PTPN14: variants seen among roughly 807,000 people sequenced by gnomAD.
PTPN14 encodes tyrosine-protein phosphatase non-receptor type 14.
A neutral mutation model predicts 126.8 loss-of-function variants in PTPN14; 53 were observed. That is an observed-to-expected ratio of 0.42 (90% CI 0.34 to 0.53). The LOEUF (loss-of-function observed/expected upper bound fraction) is 0.53, where lower values mean the gene tolerates loss of function less well. Ranked by LOEUF, PTPN14 falls within the 20% of genes least tolerant of loss-of-function variation. The pLI is 0.08. For synonymous variants in PTPN14, 630 were observed against 599.3 expected (o/e 1.05, Z -0.75); for missense variants, 1,257 against 1,552.9 (o/e 0.81, Z 3.20).
At chr1:214,419,846 A>G (rs1471382784) in intron 3 of PTPN14, among the ~76,000 whole-genome samples, 2 of 152,182 alleles carry the variant, frequency 1.3e-5, no homozygotes. Context: ...AAATCCAGAT[A>G]AAGGACAGGG....
Position 214,443,664 on chromosome 1 carries a change from G to A in PTPN14, c.344+8141C>T, listed in dbSNP as rs192136567. 1.6e-4 allele frequency among the ~76,000 whole-genome samples: 25 copies of A among 152,208 alleles called. No homozygotes were observed. The East Asian group carries it at 1.7e-3, about 11-fold the overall frequency. ...GGTTACTTAATTTGCAGAGTCTAGC[G>A]CAAAGTGAAAATGCAGAATCCACTG... On this transcript the variant is annotated intron_variant, in intron 3 of 18. Coordinates refer to ENST00000366956, the MANE Select transcript of PTPN14 (RefSeq NM_005401.5).
At chr1:214,446,437 C>T (rs566938367) in intron 3 of PTPN14, among the ~76,000 whole-genome samples, 1 of 152,246 alleles carries the variant, frequency 6.6e-6, no homozygotes, top group African/African-American at 2.4e-5. Flanking sequence ...CCCTCAAAAG[C>T]CATATCTAGC....
intron 7 of PTPN14, 101 bp from the exon 8 acceptor site, chr1:214,398,102 A>G (rs1658928738): frequency 1.1e-6 from 1 of 888,932 alleles, no homozygotes; most frequent in Non-Finnish European, 1.8e-6. Context: ...CCATCCACAG[A>G]TGAATGGATA....
intron 1 of PTPN14, among the ~76,000 whole-genome samples, chr1:214,485,130 T>G (rs75742757): frequency 0.027 from 4,189 of 152,328 alleles, 76 homozygotes; most frequent in Middle Eastern, 0.088. Context: ...CTAATTATCC[T>G]GGAAGGACAG....
At chr1:214,477,615 G>A (rs1660895477) in intron 1 of PTPN14, among the ~76,000 whole-genome samples, 1 of 152,158 alleles carries the variant, frequency 6.6e-6, no homozygotes, top group African/African-American at 2.4e-5. Flanking sequence ...CTCAAAACAA[G>A]ATTTGTTCAG....
Position 214,351,953 on chromosome 1 carries a change from C to CAAA in PTPN14, c.*5968_*5969insTTT, listed in dbSNP as rs944832034. ...CTCTCCCTCTTCCCATTTATAGAAA[C>CAAA]TTTTGAGCAAGTTTATGGCACTTCT... is the stretch of plus-strand genomic sequence containing the variant. On this transcript the variant is annotated 3_prime_UTR_variant, in exon 19 of 19. Coordinates refer to ENST00000366956, the MANE Select transcript of PTPN14 (RefSeq NM_005401.5). 1 of 152,154 alleles carries CAAA rather than the reference C, an allele frequency of 6.6e-6. No homozygotes were observed. The highest frequency in any genetic ancestry group is 2.4e-5 in the African/African-American group (1 of 41,428). The allele number at this position is 152,154 out of a possible 1,614,324, so 9.4% of individuals were successfully genotyped here. A position where few individuals can be genotyped will look rare whatever the true frequency, so the allele number is the denominator to read the frequency against.
rs1225025986 is a variant in PTPN14, at chr1:214,356,094, G to A, written c.*1828C>T. On this transcript the variant is annotated 3_prime_UTR_variant, in exon 19 of 19. Coordinates refer to ENST00000366956, the MANE Select transcript of PTPN14 (RefSeq NM_005401.5). Reference sequence around the variant, plus strand: ...CTGCCTCAGCCTCCCGAGCAGCTGGGACTACCAGGGCATACCACCACGCCT... The same window carrying A: ...CTGCCTCAGCCTCCCGAGCAGCTGGAACTACCAGGGCATACCACCACGCCT... 1 of 151,726 alleles carries A rather than the reference G, an allele frequency of 6.6e-6. No individual in the cohort carries two copies. The highest frequency in any genetic ancestry group is 1.9e-4 in the East Asian group (1 of 5,152). The allele number at this position is 151,726 out of a possible 1,614,324, so 9.4% of individuals were successfully genotyped here.
chr1:214,465,993 G>C (rs573016422), intron 1 of PTPN14, among the ~76,000 whole-genome samples: 1 of 85,014 alleles, frequency 1.2e-5, no homozygotes, highest in East Asian at 3.2e-4. Flanking sequence ...GTCTCACCTT[G>C]TTGCCCAGGC....
chr1:214,447,830 T>C (rs937568378), intron 3 of PTPN14, among the ~76,000 whole-genome samples: 1 of 152,226 alleles, frequency 6.6e-6, no homozygotes, highest in Non-Finnish European at 1.5e-5. Context: ...TCTAAAAATA[T>C]CTTTCAAAGT....
intron 1 of PTPN14, among the ~76,000 whole-genome samples, chr1:214,480,876 T>C (rs556846413): frequency 1.3e-5 from 2 of 151,974 alleles, no homozygotes; most frequent in Non-Finnish European, 2.9e-5. Context: ...GCCTACCAAG[T>C]CGTATGAAGT....
chr1:214,459,424 A>AT, intron 2 of PTPN14, among the ~76,000 whole-genome samples: 1 of 147,690 alleles, frequency 6.8e-6, no homozygotes, highest in East Asian at 2.0e-4. Context: ...AAGTGCTGGG[A>AT]TTACAGGCAT....
In PTPN14 at chr1:214,348,981, A is replaced by G. The variant is rs1230587320; in HGVS notation, c.*8941T>C. 6.6e-6 allele frequency: 1 copy of G among 152,238 alleles called. No homozygotes were observed. The highest frequency in any genetic ancestry group is 1.5e-5 in the Non-Finnish European group (1 of 68,040). 9.4% of individuals were successfully genotyped at this position (152,238 alleles called of 1,614,324 possible). ...TATTTACTGATATAAAATAGCACAT[A>G]GAATAGCATGCATAGTTTTATTTTA... On this transcript the variant is annotated 3_prime_UTR_variant, in exon 19 of 19. Coordinates refer to ENST00000366956, the MANE Select transcript of PTPN14 (RefSeq NM_005401.5).
At position 214,356,580 on chromosome 1, in the gene PTPN14, A is replaced by G. The variant is rs1436318057; in HGVS notation, c.*1342T>C. 6.6e-6 allele frequency: 1 copy of G among 152,268 alleles called. No homozygotes were observed. The highest frequency in any genetic ancestry group is 1.5e-5 in the Non-Finnish European group (1 of 68,050). 9.4% of individuals were successfully genotyped at this position (152,268 alleles called of 1,614,324 possible). A position where few individuals can be genotyped will look rare whatever the true frequency, so the allele number is the denominator to read the frequency against. ...CCAATGAAGCCATAGGAAGAAACTA[A>G]GAACTGGGCTTCAAAGTGAAGATAA... On this transcript the variant is annotated 3_prime_UTR_variant, in exon 19 of 19. Transcript: ENST00000366956.
At chr1:214,506,715 C>G (rs778538890) in intron 1 of PTPN14, among the ~76,000 whole-genome samples, 13 of 152,258 alleles carry the variant, frequency 8.5e-5, no homozygotes, top group Non-Finnish European at 1.8e-4. Flanking sequence ...TCCCTGGAGT[C>G]AGCCATCACA....
intron 1 of PTPN14, among the ~76,000 whole-genome samples, chr1:214,471,220 T>C (rs534711068): frequency 1.3e-5 from 2 of 151,776 alleles, no homozygotes; most frequent in African/African-American, 4.8e-5. Flanking sequence ...GTAAAGCAAC[T>C]GGAAACCGAA....
intron 3 of PTPN14, among the ~76,000 whole-genome samples, chr1:214,423,181 C>G (rs1659582388): frequency 6.6e-6 from 1 of 151,972 alleles, no homozygotes; most frequent in African/African-American, 2.4e-5. Context: ...GCCAAACTAG[C>G]TGGACGTGAT....
At position 214,464,923 on chromosome 1, in the gene PTPN14, G is replaced by A. The variant is rs1660596590; in HGVS notation, c.-120C>T. 16 of 1,272,296 alleles carry A rather than the reference G, an allele frequency of 1.3e-5. No individual in the cohort carries two copies. The highest frequency in any genetic ancestry group is 1.7e-5 in the Non-Finnish European group (16 of 922,728). The allele number at this position is 1,272,296 out of a possible 1,614,324, so 78.8% of individuals were successfully genotyped here. A position where few individuals can be genotyped will look rare whatever the true frequency, so the allele number is the denominator to read the frequency against. On this transcript the variant is annotated 5_prime_UTR_variant, in exon 2 of 19. Transcript: ENST00000366956. ...CTGTGCTCCTCCAGGCAGGGAAAAG[G>A]GTGTCCATGCCCAGTGTGGCCCTCT...
At chr1:214,457,559 C>T (rs181805334) in intron 2 of PTPN14, among the ~76,000 whole-genome samples, 1 of 152,254 alleles carries the variant, frequency 6.6e-6, no homozygotes, top group African/African-American at 2.4e-5. Context: ...CATATTTTTA[C>T]ATTTTATTAG....
intron 3 of PTPN14, among the ~76,000 whole-genome samples, chr1:214,447,366 T>C (rs998616365): frequency 6.6e-6 from 1 of 152,144 alleles, no homozygotes; most frequent in Non-Finnish European, 1.5e-5. Context: ...CATCTGTCCA[T>C]CTCCAACACC....
Sources: allele counts gnomAD v4.1 joint callset (sites outside exome capture counted in the v4.1 genomes callset), GRCh38; gene constraint gnomAD v4.1.1; transcripts MANE v1.5; gene names NCBI Gene and HGNC (gene_info 2026-07-23, HGNC 2026-07-21).